Variants in IL17A observed in about 807,000 individuals in gnomAD.
IL17A encodes interleukin 17A.
A neutral mutation model predicts 7.2 loss-of-function variants in IL17A; 1 was observed. That is an observed-to-expected ratio of 0.14 (90% CI 0.05 to 0.66). The LOEUF (loss-of-function observed/expected upper bound fraction) is 0.66. IL17A is among the 30% of genes least tolerant of loss of function. The probability of loss-of-function intolerance (pLI) is 0.84; values close to 1 mark genes in which losing one functional copy is unlikely to be tolerated. For synonymous variants in IL17A, 90 were observed against 77.7 expected (o/e 1.16, Z -0.83); for missense variants, 191 against 197.1 (o/e 0.97, Z 0.18).
Position 52,187,587 on chromosome 6 carries a change from T to C in IL17A, c.28-16T>C. On this transcript the variant is annotated splice_polypyrimidine_tract_variant and intron_variant, in intron 1 of 2. Transcript: ENST00000648244. ...TCTAATCTCCAACCTCTCTCTCCTT[T>C]CCCATTCAATTCTAGTCACTGCTAC... is the stretch of plus-strand genomic sequence containing the variant. The C allele has an allele frequency of 6.2e-7, 1 of 1,603,198 alleles. No homozygotes were observed. The highest frequency in any genetic ancestry group is 1.3e-5 in the African/African-American group (1 of 74,826).
At position 52,189,046 on chromosome 6, in the gene IL17A, C is replaced by G; in HGVS notation, c.231-9C>G. ...TTCACTTTCCTCCTGATTTTTCTCC[C>G]CTCTGCAGCCGCAATGAGGACCCTG... On this transcript the variant is annotated splice_polypyrimidine_tract_variant and intron_variant, in intron 2 of 2. Coordinates refer to ENST00000648244, the MANE Select transcript of IL17A (RefSeq NM_002190.3). The G allele has an allele frequency of 6.3e-7, 1 of 1,599,490 alleles. No homozygotes were observed. Among genetic ancestry groups the G allele is most frequent in the Non-Finnish European group, 8.6e-7 (1 of 1,167,804 alleles).
chr6:52,186,762 T>C (rs1257332573), intron 1 of IL17A, among the ~76,000 whole-genome samples: 1 of 152,226 alleles, frequency 6.6e-6, no homozygotes, highest in African/African-American at 2.4e-5. Flanking sequence ...TTTTTCTGAG[T>C]ACAAAGGATT....
At position 52,187,768 on chromosome 6, in the gene IL17A, G is replaced by A. The variant is rs754531736; in HGVS notation, c.193G>A (p.Asp65Asn). The A allele has an allele frequency of 2.5e-6, 4 of 1,614,108 alleles. No individual in the cohort carries two copies. The highest frequency in any genetic ancestry group is 3.3e-5 in the Admixed American group (2 of 60,022). Reference protein sequence around the residue: ...NTNTNPKRSSDYYNRSTSPWN... With the variant: ...NTNTNPKRSSNYYNRSTSPWN... ...CAATACCAATCCCAAAAGGTCCTCA[G>A]ATTACTACAACCGATCCACCTCACC... Residue 65 changes from aspartate to asparagine, a missense_variant, in exon 2 of 3, where the codon GAT becomes AAT. By Grantham distance (23) the Asp-to-Asn change is conservative. Coordinates refer to ENST00000648244, the MANE Select transcript of IL17A (RefSeq NM_002190.3).
At chr6:52,188,643 C>T (rs1277394082) in intron 2 of IL17A, among the ~76,000 whole-genome samples, 1 of 152,068 alleles carries the variant, frequency 6.6e-6, no homozygotes, top group Non-Finnish European at 1.5e-5. Context: ...TTGATGTATT[C>T]CCTCTTCAAA....
intron 2 of IL17A, 43 bp downstream of exon 2, chr6:52,187,848 T>C (rs1233449867): frequency 6.8e-7 from 1 of 1,463,684 alleles, no homozygotes; most frequent in Non-Finnish European, 9.6e-7. Flanking sequence ...TCTTCATCCC[T>C]CTTATGCATC....
intron 2 of IL17A, 100 bp downstream of exon 2, chr6:52,187,905 T>C (rs1292111696): frequency 1.6e-5 from 17 of 1,064,252 alleles, no homozygotes; most frequent in Non-Finnish European, 2.4e-5. Flanking sequence ...TCATTTAGAA[T>C]TACCAGTCAA....
At position 52,187,760 on chromosome 6, in the gene IL17A, G is replaced by C; in HGVS notation, c.185G>C (p.Arg62Thr). ...HNRNTNTNPK[R>T]SSDYYNRSTS... is the part of the protein sequence containing the mutation. ...CGGAATACCAATACCAATCCCAAAA[G>C]GTCCTCAGATTACTACAACCGATCC... Residue 62 changes from arginine (R) to threonine (T), a missense_variant, in exon 2 of 3, where the codon AGG becomes ACG. Coordinates refer to ENST00000648244, the MANE Select transcript of IL17A (RefSeq NM_002190.3). 1 of 1,613,972 alleles carries C rather than the reference G, an allele frequency of 6.2e-7. No homozygotes were observed. The highest frequency in any genetic ancestry group is 8.5e-7 in the Non-Finnish European group (1 of 1,179,956).
intron 1 of IL17A, among the ~76,000 whole-genome samples, chr6:52,186,810 G>T (rs1763293015): frequency 6.6e-6 from 1 of 152,058 alleles, no homozygotes; most frequent in Admixed American, 6.6e-5. Flanking sequence ...TTTAAAATGG[G>T]TCACTATCCT....
intron 2 of IL17A, among the ~76,000 whole-genome samples, chr6:52,188,535 A>G (rs889145616): frequency 1.3e-5 from 2 of 152,216 alleles, no homozygotes; most frequent in African/African-American, 4.8e-5. Context: ...TCTAAAAGAG[A>G]GAGGGAAGAG....
chr6:52,189,226 G>C lies in IL17A; in HGVS notation c.402G>C (p.Arg134=). The part of the protein sequence containing the change: ...REPPHCPNSF[R]LEKILVSVGC... Reference sequence around the variant, plus strand: ...CTCCACACTGCCCCAACTCCTTCCGGCTGGAGAAGATACTGGTGTCCGTGG... The same window carrying C: ...CTCCACACTGCCCCAACTCCTTCCGCCTGGAGAAGATACTGGTGTCCGTGG... Residue 134 remains arginine, a synonymous_variant, in exon 3 of 3, where the codon CGG becomes CGC. Transcript: ENST00000648244. The C allele has an allele frequency of 6.2e-7, 1 of 1,614,082 alleles. No individual in the cohort carries two copies. Among genetic ancestry groups the C allele is most frequent in the South Asian group, 1.1e-5 (1 of 91,082 alleles).
rs1268793023 is a variant in IL17A at position 52,187,710 on chromosome 6, G to A, written c.135G>A (p.Val45=). 1.9e-6 allele frequency: 3 copies of A among 1,614,004 alleles called. No individual in the cohort carries two copies. The highest frequency in any genetic ancestry group is 2.5e-6 in the Non-Finnish European group (3 of 1,179,998). The change falls in exon 2 of 3, where the codon GTG becomes GTA. Residue 45 remains valine, a synonymous_variant. Transcript: ENST00000648244. The part of the protein sequence containing the change: ...NSEDKNFPRT[V]MVNLNIHNRN... ...AGGACAAGAACTTCCCCCGGACTGT[G>A]ATGGTCAACCTGAACATCCATAACC...
Position 52,186,476 on chromosome 6 carries a change from G to A in IL17A, c.27+18G>A, listed in dbSNP as rs3819025. On this transcript the variant is annotated intron_variant, in intron 1 of 2. Transcript: ENST00000648244. ...CATTGGTGGTGAGTCCTGCACTAACGTGCGATGCTCTTGCTGATTTGGACC... is the reference window on the plus strand; with the variant it reads ...CATTGGTGGTGAGTCCTGCACTAACATGCGATGCTCTTGCTGATTTGGACC... 0.074 allele frequency: 118,651 copies of A among 1,612,372 alleles called. 9,286 individuals carry two copies. Among genetic ancestry groups the A allele is most frequent in the Admixed American group, 0.38 (22,834 of 59,924 alleles).
At position 52,189,077 on chromosome 6, in the gene IL17A, T is replaced by G. The variant is rs1217461322; in HGVS notation, c.253T>G (p.Tyr85Asp). ...CAGCCGCAATGAGGACCCTGAGAGATATCCCTCTGTGATCTGGGAGGCAAA... is the reference window on the plus strand; with the variant it reads ...CAGCCGCAATGAGGACCCTGAGAGAGATCCCTCTGTGATCTGGGAGGCAAA... Reference protein sequence around the residue: ...NLHRNEDPERYPSVIWEAKCR... With the variant: ...NLHRNEDPERDPSVIWEAKCR... The change falls in exon 3 of 3, where the codon TAT becomes GAT. Residue 85 changes from tyrosine to aspartate, a missense_variant. By Grantham distance (160) the Tyr-to-Asp change is radical. Coordinates refer to ENST00000648244, the MANE Select transcript of IL17A (RefSeq NM_002190.3). 6.2e-7 allele frequency: 1 copy of G among 1,614,056 alleles called. No individual in the cohort carries two copies.
chr6:52,189,944 T>C lies in IL17A; in HGVS notation c.*652T>C, dbSNP rs927017892. 5.3e-5 allele frequency: 8 copies of C among 152,234 alleles called. No homozygotes were observed. Among genetic ancestry groups the C allele is most frequent in the Non-Finnish European group, 8.8e-5 (6 of 68,032 alleles). 9.4% of individuals were successfully genotyped at this position (152,234 alleles called of 1,614,324 possible). A position where few individuals can be genotyped will look rare whatever the true frequency, so the allele number is the denominator to read the frequency against. On this transcript the variant is annotated 3_prime_UTR_variant, in exon 3 of 3. Coordinates refer to ENST00000648244, the MANE Select transcript of IL17A (RefSeq NM_002190.3). ...TAAATTTTGCAATTTGTTGAGGTTT[T>C]ACAAGAGATACAGCAAGTCTAACTC...
At position 52,187,818 on chromosome 6, in the gene IL17A, T is replaced by C; in HGVS notation, c.230+13T>C. 6.2e-7 allele frequency: 1 copy of C among 1,606,038 alleles called. No homozygotes were observed. Among genetic ancestry groups the C allele is most frequent in the Non-Finnish European group, 8.5e-7 (1 of 1,172,692 alleles). On this transcript the variant is annotated intron_variant, in intron 2 of 2. Coordinates refer to ENST00000648244, the MANE Select transcript of IL17A (RefSeq NM_002190.3). ...CTTGGAATCTCCAGTACGTAAAGCT[T>C]CCAGATAAAAATGCTATATTCTTCA... is the stretch of plus-strand genomic sequence containing the variant.
chr6:52,189,184 G>A lies in IL17A; in HGVS notation c.360G>A (p.Leu120=). The change falls in exon 3 of 3, where the codon CTG becomes CTA. Residue 120 remains leucine (L), a synonymous_variant. Coordinates refer to ENST00000648244, the MANE Select transcript of IL17A (RefSeq NM_002190.3). Reference sequence around the variant, plus strand: ...CTGTCCCCATCCAGCAAGAGATCCTGGTCCTGCGCAGGGAGCCTCCACACT... The same window carrying A: ...CTGTCCCCATCCAGCAAGAGATCCTAGTCCTGCGCAGGGAGCCTCCACACT... ...MNSVPIQQEI[L]VLRREPPHCP... 6.2e-7 allele frequency: 1 copy of A among 1,614,124 alleles called. No individual in the cohort carries two copies. Among genetic ancestry groups the A allele is most frequent in the Non-Finnish European group, 8.5e-7 (1 of 1,179,988 alleles).
At chr6:52,187,045 T>G (rs912395983) in intron 1 of IL17A, among the ~76,000 whole-genome samples, 2 of 151,922 alleles carry the variant, frequency 1.3e-5, no homozygotes, top group Non-Finnish European at 3.0e-5. Flanking sequence ...AAAATATACC[T>G]AAGAAAACAT....
chr6:52,187,884 G>T, intron 2 of IL17A, 79 bp downstream of exon 2: 1 of 1,209,700 alleles, frequency 8.3e-7, no homozygotes, highest in Non-Finnish European at 1.2e-6. Flanking sequence ...TCTCCCTGAG[G>T]ATGATTTTAT....
intron 2 of IL17A, among the ~76,000 whole-genome samples, chr6:52,188,637 T>A (rs1763323687): frequency 6.6e-6 from 1 of 152,186 alleles, no homozygotes; most frequent in Admixed American, 6.5e-5. Context: ...AAAATTTTGA[T>A]GTATTCCCTC....
Sources: allele counts gnomAD v4.1 joint callset (sites outside exome capture counted in the v4.1 genomes callset), GRCh38; gene constraint gnomAD v4.1.1; transcripts MANE v1.5; gene names NCBI Gene and HGNC (gene_info 2026-07-23, HGNC 2026-07-21).